Variants in RGS22 observed in about 807,000 individuals in gnomAD.
RGS22 encodes the protein regulator of G-protein signaling 22.
A neutral mutation model predicts 172.9 loss-of-function variants in RGS22; 148 were observed. The observed-to-expected ratio is 0.86, with a 90% CI of 0.75 to 0.98. The LOEUF is 0.98. Ranked by LOEUF, RGS22 falls within the 50% of genes least tolerant of loss-of-function variation. RGS22 has a pLI of 0.00. For missense variants in RGS22, 1,347 were observed against 1,440.8 expected, an observed-to-expected ratio of 0.93 and a Z score of 1.05; for synonymous variants, 458 against 480.2, an observed-to-expected ratio of 0.95 and a Z score of 0.60.
chr8:100,042,845 C>T (rs1820280824), intron 11 of RGS22: 1 of 152,176 alleles, frequency 6.6e-6, no homozygotes. Flanking sequence ...TTCTAAGACT[C>T]CCTTGCAGCG....
At chr8:100,040,777 T>G (rs1007527443) in intron 12 of RGS22, among the ~76,000 whole-genome samples, 1 of 152,220 alleles carries the variant, frequency 6.6e-6, no homozygotes, top group East Asian at 1.9e-4. Flanking sequence ...ATAGAACTCA[T>G]AGACTACTTC....
In RGS22 at chr8:99,992,680, A is replaced by G. The variant is rs147800911; in HGVS notation, c.3018+3782T>C. Among the ~76,000 whole-genome samples the G allele has an allele frequency of 0.01, 1,531 of 152,188 alleles. 55 individuals carry two copies. The East Asian group carries it at 0.11, about 10-fold the overall frequency. ...CACAATAATAATGGGAGACTTTAAC[A>G]CCCCGCTATGAATATTAGAGAGGTC... On this transcript the variant is annotated intron_variant, in intron 20 of 27. Transcript: ENST00000360863.
chr8:100,094,284 T>C (rs1356213045), intron 2 of RGS22, among the ~76,000 whole-genome samples: 1 of 152,238 alleles, frequency 6.6e-6, no homozygotes, highest in African/African-American at 2.4e-5. Flanking sequence ...GTGTTTATTT[T>C]GTTATTCATA....
At position 100,037,696 on chromosome 8, in the gene RGS22, A is replaced by G. The variant is rs1041339432; in HGVS notation, c.2166+1235T>C. 2.6e-5 allele frequency among the ~76,000 whole-genome samples: 4 copies of G among 152,358 alleles called. No homozygotes were observed. The East Asian group carries it at 7.7e-4, about 29-fold the overall frequency. On this transcript the variant is annotated intron_variant, in intron 14 of 27. Coordinates refer to ENST00000360863, the MANE Select transcript of RGS22 (RefSeq NM_015668.5). ...AGATTTTTGGAGGAATACTCTTTGT[A>G]GTAGTGAAAACATAATAAAAATAAT... is the stretch of plus-strand genomic sequence containing the variant.
Position 100,004,005 on chromosome 8 carries a change from G to C in RGS22, c.2548C>G (p.His850Asp). 6.2e-7 allele frequency: 1 copy of C among 1,612,398 alleles called. No homozygotes were observed. Among genetic ancestry groups the C allele is most frequent in the East Asian group, 2.2e-5 (1 of 44,698 alleles). The change falls in exon 17 of 28, where the codon CAT (histidine) becomes GAT (aspartate). Residue 850 changes from histidine (H) to aspartate (D), a missense_variant. Coordinates refer to ENST00000360863, the MANE Select transcript of RGS22 (RefSeq NM_015668.5). ...TTAAGCAGATCACTAAACTTAAAAT[G>C]CTTGTATTCTGCAGGAACATTATCC... ...YWDNVPAEYK[H>D]FKFSDLLNNK... is the part of the protein sequence containing the mutation.
chr8:100,072,292 C>T, intron 4 of RGS22, 62 bp from the exon 5 acceptor site: 1 of 989,772 alleles, frequency 1.0e-6, no homozygotes, highest in Non-Finnish European at 1.5e-6. Context: ...GGATGATTAA[C>T]ACCTAATAGT....
intron 4 of RGS22, among the ~76,000 whole-genome samples, chr8:100,073,906 G>C (rs1586211315): frequency 6.6e-6 from 1 of 152,152 alleles, no homozygotes; most frequent in East Asian, 1.9e-4. Flanking sequence ...AAAGTCTTTA[G>C]CCAAGCTGAA....
At chr8:100,103,390 T>C (rs544507802) in intron 2 of RGS22, among the ~76,000 whole-genome samples, 24 of 152,270 alleles carry the variant, frequency 1.6e-4, no homozygotes, top group African/African-American at 5.1e-4. Flanking sequence ...TGGTAAATGA[T>C]TGCAGGCAGG....
intron 23 of RGS22, among the ~76,000 whole-genome samples, chr8:99,977,033 G>A (rs909276251): frequency 2.0e-5 from 3 of 152,072 alleles, no homozygotes; most frequent in Admixed American, 1.3e-4. Context: ...TGAATGAACG[G>A]ACAGATAGTA....
At chr8:100,101,333 C>T (rs2132055564) in intron 2 of RGS22, among the ~76,000 whole-genome samples, 1 of 150,394 alleles carries the variant, frequency 6.6e-6, no homozygotes, top group East Asian at 2.0e-4. Context: ...GTTGCCCAGG[C>T]TGGAGTGTGG....
chr8:100,105,696 G>A, intron 1 of RGS22: 1 of 554,666 alleles, frequency 1.8e-6, no homozygotes, highest in South Asian at 2.4e-5. Flanking sequence ...AGAATTAAGC[G>A]AGATAACGTG....
chr8:100,002,277 G>A lies in RGS22; in HGVS notation c.2715C>T (p.Tyr905=), dbSNP rs1293986810. Residue 905 remains tyrosine, a synonymous_variant, in exon 18 of 28, where the codon TAC becomes TAT. Coordinates refer to ENST00000360863, the MANE Select transcript of RGS22 (RefSeq NM_015668.5). ...TTTTATTAAGGTATTTGTTTTTAAT[G>A]TATATAGATTTTGCCTTCCTTTGAT... is the stretch of plus-strand genomic sequence containing the variant. ...DRNQRKAKSI[Y]IKNKYLNKKY... 1.2e-6 allele frequency: 2 copies of A among 1,611,090 alleles called. No homozygotes were observed. The highest frequency in any genetic ancestry group is 2.2e-5 in the East Asian group (1 of 44,724).
At chr8:99,967,377 A>T (rs1810860540) in intron 23 of RGS22, among the ~76,000 whole-genome samples, 1 of 151,306 alleles carries the variant, frequency 6.6e-6, no homozygotes, top group Non-Finnish European at 1.5e-5. Context: ...CCCCAGCGAG[A>T]CAGAACCATT....
intron 23 of RGS22, among the ~76,000 whole-genome samples, chr8:99,966,272 A>G (rs536008530): frequency 5.9e-5 from 9 of 152,278 alleles, no homozygotes; most frequent in African/African-American, 2.2e-4. Flanking sequence ...GGTGACTCCA[A>G]AAGTTGGGAG....
intron 9 of RGS22, among the ~76,000 whole-genome samples, chr8:100,053,643 CT>C (rs569678285): frequency 4.7e-4 from 71 of 149,962 alleles, no homozygotes; most frequent in African/African-American, 1.5e-3. Context: ...AACATACAAA[CT>C]TTTTTTTTTG....
chr8:100,008,251 T>G (rs1815952280), intron 15 of RGS22, 124 bp downstream of exon 15: 1 of 801,342 alleles, frequency 1.2e-6, no homozygotes, highest in African/African-American at 1.8e-5. Flanking sequence ...TTAGCTAGGC[T>G]GGTCTTGAAC....
rs768496935 is a variant in RGS22 at position 99,962,741 on chromosome 8, C to G, written c.3736G>C (p.Ala1246Pro). The G allele has an allele frequency of 8.7e-6, 14 of 1,611,624 alleles. No individual in the cohort carries two copies. The highest frequency in any genetic ancestry group is 1.2e-5 in the Non-Finnish European group (14 of 1,179,376). The change falls in exon 26 of 28, where the codon GCT (alanine) becomes CCT (proline). Residue 1246 changes from alanine to proline, a missense_variant. Ala to Pro is a conservative substitution (Grantham distance 27, BLOSUM62 -1). Coordinates refer to ENST00000360863, the MANE Select transcript of RGS22 (RefSeq NM_015668.5). ...TTCAAAGACATAGTTGAAGAGCTAGCCTTAAAATTTGTGAGAGGTTGCAAG... is the reference window on the plus strand; with the variant it reads ...TTCAAAGACATAGTTGAAGAGCTAGGCTTAAAATTTGTGAGAGGTTGCAAG... ...AGLQPLTNFK[A>P]SSSTMSLKKN...
At chr8:100,071,259 G>A in intron 6 of RGS22, 110 bp downstream of exon 6, 1 of 962,174 alleles carries the variant, frequency 1.0e-6, no homozygotes, top group East Asian at 2.9e-5. Flanking sequence ...CTGCACTCCA[G>A]CCTGGTGACA....
intron 18 of RGS22, among the ~76,000 whole-genome samples, chr8:100,001,151 T>C (rs1404615393): frequency 6.8e-6 from 1 of 147,444 alleles, no homozygotes; most frequent in Non-Finnish European, 1.5e-5. Flanking sequence ...TTGCATCATA[T>C]TTCATGAGCA....
Sources: gnomAD v4.1 joint callset for allele counts (sites outside exome capture counted in the v4.1 genomes callset) on GRCh38, gnomAD v4.1.1 for gene constraint, MANE v1.5 for transcripts, NCBI Gene and HGNC (gene_info 2026-07-23, HGNC 2026-07-21) for gene names.